The following GAREM1 variants were observed in gnomAD, a reference collection of about 807,000 sequenced individuals.
The protein encoded by GAREM1 is GRB2-associated and regulator of MAPK protein 1.
A neutral mutation model predicts 71.3 loss-of-function variants in GAREM1; 26 were observed. The ratio of observed to expected loss-of-function variants is 0.36; its 90% CI spans 0.27 to 0.51. The LOEUF is 0.51. Ranked by LOEUF, GAREM1 falls within the 20% of genes least tolerant of loss-of-function variation. The pLI is 0.95. For synonymous variants in GAREM1, 440 were observed against 433.2 expected (o/e 1.02, Z -0.20); for missense variants, 1,026 against 1,103.1 (o/e 0.93, Z 0.99).
intron 2 of GAREM1, among the ~76,000 whole-genome samples, chr18:32,318,602 G>A (rs142827458): frequency 1.3e-4 from 20 of 152,300 alleles, no homozygotes; most frequent in Non-Finnish European, 2.6e-4. Context: ...TAGTGCCACC[G>A]ATGAAGATGC....
intron 2 of GAREM1, among the ~76,000 whole-genome samples, chr18:32,318,654 G>A (rs2047403107): frequency 6.6e-6 from 1 of 152,086 alleles, no homozygotes; most frequent in African/African-American, 2.4e-5. Flanking sequence ...CATCACCAGT[G>A]GCAGTCAGCA....
intron 3 of GAREM1, among the ~76,000 whole-genome samples, chr18:32,300,783 G>A (rs1008622996): frequency 6.6e-6 from 1 of 151,028 alleles, no homozygotes; most frequent in Non-Finnish European, 1.5e-5. Flanking sequence ...GTGCATGCCT[G>A]TAATCCCAGC....
chr18:32,462,290 C>CT (rs1325803634), intron 1 of GAREM1, among the ~76,000 whole-genome samples: 4 of 152,170 alleles, frequency 2.6e-5, no homozygotes, highest in African/African-American at 9.7e-5. Flanking sequence ...CTTGCCAACA[C>CT]TTTTGTCTTT....
intron 2 of GAREM1, among the ~76,000 whole-genome samples, chr18:32,314,937 C>T (rs2047361716): frequency 6.6e-6 from 1 of 152,118 alleles, no homozygotes. Context: ...ACATTTCAAG[C>T]TATCATTAAG....
intron 1 of GAREM1, among the ~76,000 whole-genome samples, chr18:32,463,646 T>G (rs567124785): frequency 6.7e-6 from 1 of 149,962 alleles, no homozygotes; most frequent in African/African-American, 2.5e-5. Context: ...CTCAGCTCAC[T>G]GCAAACTCCA....
intron 1 of GAREM1, among the ~76,000 whole-genome samples, chr18:32,405,997 G>A (rs571418215): frequency 9.2e-5 from 14 of 152,014 alleles, no homozygotes; most frequent in Admixed American, 6.6e-5. Context: ...CAACACCAGC[G>A]GTCTTCTAAT....
chr18:32,428,572 T>C (rs1239749050), intron 1 of GAREM1, among the ~76,000 whole-genome samples: 1 of 152,196 alleles, frequency 6.6e-6, no homozygotes, highest in East Asian at 1.9e-4. Context: ...CTGCCATGAT[T>C]GTAAGTTTCC....
intron 2 of GAREM1, among the ~76,000 whole-genome samples, chr18:32,351,714 T>C (rs560957412): frequency 6.6e-6 from 1 of 152,058 alleles, no homozygotes; most frequent in East Asian, 1.9e-4. Context: ...TTTTTTTTTT[T>C]TACTTACACA....
intron 2 of GAREM1, among the ~76,000 whole-genome samples, chr18:32,312,832 CA>C (rs1284260342): frequency 9.2e-5 from 14 of 152,084 alleles, no homozygotes; most frequent in Non-Finnish European, 1.8e-4. Flanking sequence ...TGCCTTCAGA[CA>C]GGAGCACAGG....
intron 3 of GAREM1, among the ~76,000 whole-genome samples, chr18:32,304,417 G>T (rs1441895965): frequency 2.6e-5 from 4 of 152,228 alleles, no homozygotes; most frequent in South Asian, 2.1e-4. Context: ...AATTTTTTAT[G>T]ATTCTATGTT....
At chr18:32,361,411 A>C (rs2047863963) in intron 2 of GAREM1, among the ~76,000 whole-genome samples, 1 of 152,226 alleles carries the variant, frequency 6.6e-6, no homozygotes, top group Non-Finnish European at 1.5e-5. Context: ...CCAAAATTAA[A>C]TGAAAATATT....
At chr18:32,414,452 A>G (rs1462483660) in intron 1 of GAREM1, among the ~76,000 whole-genome samples, 1 of 151,848 alleles carries the variant, frequency 6.6e-6, no homozygotes, top group African/African-American at 2.4e-5. Context: ...TGGTTACATA[A>G]AAAAAAAGGT....
At position 32,264,224 on chromosome 18, in the gene GAREM1, A is replaced by G. The variant is rs2041342964; in HGVS notation, c.*3647T>C. The stretch of plus-strand genomic sequence containing the variant: ...TTGAAAGATAGTGGAAATTGATATA[A>G]GAGGCATGTTTCTGAAAGCCCCCTA... On this transcript the variant is annotated 3_prime_UTR_variant, in exon 6 of 6. Transcript: ENST00000269209. 6.6e-6 allele frequency: 1 copy of G among 152,246 alleles called. No homozygotes were observed. The highest frequency in any genetic ancestry group is 6.5e-5 in the Admixed American group (1 of 15,276). The allele number at this position is 152,246 out of a possible 1,614,324, so 9.4% of individuals were successfully genotyped here.
chr18:32,267,534 C>G lies in GAREM1; in HGVS notation c.*337G>C. 1 of 156,298 alleles carries G rather than the reference C, an allele frequency of 6.4e-6. No individual in the cohort carries two copies. Among genetic ancestry groups the G allele is most frequent in the Non-Finnish European group, 1.3e-5 (1 of 75,046 alleles). The allele number at this position is 156,298 out of a possible 1,614,324, so 9.7% of individuals were successfully genotyped here. The stretch of plus-strand genomic sequence containing the variant: ...TTTTTTTAAAGATTTTTATGTCTTC[C>G]AGCTTTGGCTATTTTGTAATAAATA... On this transcript the variant is annotated 3_prime_UTR_variant, in exon 6 of 6. Transcript: ENST00000269209.
intron 2 of GAREM1, among the ~76,000 whole-genome samples, chr18:32,327,925 T>G (rs749462289): frequency 5.3e-5 from 8 of 152,278 alleles, no homozygotes; most frequent in Non-Finnish European, 1.0e-4. Flanking sequence ...TGAGGCCATA[T>G]AGGTACAATG....
chr18:32,401,141 C>T (rs894276149), intron 1 of GAREM1, among the ~76,000 whole-genome samples: 1 of 151,966 alleles, frequency 6.6e-6, no homozygotes, highest in African/African-American at 2.4e-5. Flanking sequence ...CACCTGGACA[C>T]AGCAAGGGGA....
intron 2 of GAREM1, among the ~76,000 whole-genome samples, chr18:32,328,353 T>G (rs1598964198): frequency 6.6e-6 from 1 of 152,340 alleles, no homozygotes; most frequent in South Asian, 2.1e-4. Flanking sequence ...CAGGAGATAG[T>G]GGGATAGGAC....
At position 32,304,364 on chromosome 18, in the gene GAREM1, ATAATCT is replaced by A. The variant is rs556717937; in HGVS notation, c.393+5823_393+5828del. 5.6e-3 allele frequency among the ~76,000 whole-genome samples: 850 copies of A among 152,226 alleles called. 3 individuals carry two copies. The highest frequency in any genetic ancestry group is 9.7e-3 in the Non-Finnish European group (661 of 67,988). ...AAAAGAAAAAGAAAGAGTAAGTGAA[ATAATCT>A]TAATCTGTGGTGGGAATTTTTTTAA... is the stretch of plus-strand genomic sequence containing the variant. On this transcript the variant is annotated intron_variant, in intron 3 of 5. Transcript: ENST00000269209.
At chr18:32,330,495 G>C (rs1425265552) in intron 2 of GAREM1, among the ~76,000 whole-genome samples, 1 of 152,010 alleles carries the variant, frequency 6.6e-6, no homozygotes, top group Non-Finnish European at 1.5e-5. Flanking sequence ...TGTATCCCCT[G>C]AATCTAAAAT....
Sources: allele counts gnomAD v4.1 joint callset (sites outside exome capture counted in the v4.1 genomes callset), GRCh38; gene constraint gnomAD v4.1.1; transcripts MANE v1.5; gene names NCBI Gene and HGNC (gene_info 2026-07-23, HGNC 2026-07-21).